Variants in CPAMD8 observed in about 807,000 individuals in gnomAD.
CPAMD8 encodes the protein C3 and PZP like alpha-2-macroglobulin domain containing 8, also known as C3 and PZP-like alpha-2-macroglobulin domain-containing protein 8.
CPAMD8 carries 146 observed loss-of-function variants against 224.7 expected under a neutral mutation model. That is an observed-to-expected ratio of 0.65 (90% CI 0.57 to 0.75). The LOEUF (loss-of-function observed/expected upper bound fraction) is 0.75, where lower values mean the gene tolerates loss of function less well. CPAMD8 is among the 30% of genes least tolerant of loss of function. CPAMD8 has a pLI of 0.00. For synonymous variants in CPAMD8, 966 were observed against 1,044.6 expected (o/e 0.92, Z 1.45); for missense variants, 2,301 against 2,537.5 (o/e 0.91, Z 2.00).
At chr19:16,938,769 C>T (rs541249396) in intron 22 of CPAMD8, among the ~76,000 whole-genome samples, 50 of 152,266 alleles carry the variant, frequency 3.3e-4, no homozygotes, top group African/African-American at 1.2e-3. Context: ...CTCCCATCTC[C>T]CTCTGGGCAG....
chr19:16,918,739 C>T (rs1014199239), intron 27 of CPAMD8, among the ~76,000 whole-genome samples: 1 of 143,812 alleles, frequency 7.0e-6, no homozygotes, highest in Admixed American at 7.3e-5. Context: ...CGTGCCATCA[C>T]ACCCAGACTT....
intron 17 of CPAMD8, 50 bp from the exon 18 acceptor site, chr19:16,971,083 A>T: frequency 6.7e-7 from 1 of 1,500,908 alleles, no homozygotes; most frequent in Non-Finnish European, 9.0e-7. Flanking sequence ...GGATGCTGAC[A>T]GCCCCCAGAA....
At chr19:17,008,164 G>A (rs1449776545) in intron 7 of CPAMD8, among the ~76,000 whole-genome samples, 2 of 152,200 alleles carry the variant, frequency 1.3e-5, no homozygotes, top group African/African-American at 2.4e-5. Flanking sequence ...GAGAGACTCT[G>A]TCTCAAAAAA....
At chr19:16,931,673 C>T (rs1418775370) in intron 23 of CPAMD8, among the ~76,000 whole-genome samples, 1 of 152,168 alleles carries the variant, frequency 6.6e-6, no homozygotes, top group African/African-American at 2.4e-5. Flanking sequence ...GTGTAGAATG[C>T]CCTGGTGCTC....
intron 27 of CPAMD8, among the ~76,000 whole-genome samples, chr19:16,918,563 T>G (rs2053049141): frequency 6.7e-6 from 1 of 149,502 alleles, no homozygotes; most frequent in South Asian, 2.2e-4. Context: ...TCCTCCCACC[T>G]CAGCCTCCCC....
intron 18 of CPAMD8, 22 bp from the exon 19 acceptor site, chr19:16,957,937 C>T (rs776081051): frequency 1.0e-5 from 16 of 1,605,338 alleles, no homozygotes; most frequent in Middle Eastern, 1.7e-4. Flanking sequence ...AAAAAAGAAA[C>T]GATTAAGGTT....
intron 17 of CPAMD8, among the ~76,000 whole-genome samples, chr19:16,974,154 CGG>C (rs1670373468): frequency 6.6e-6 from 1 of 150,974 alleles, no homozygotes; most frequent in Admixed American, 6.6e-5. Flanking sequence ...TTTTTTGAGA[CGG>C]AGTCTCGCTC....
chr19:16,896,102 G>T (rs774604070), intron 41 of CPAMD8, 74 bp downstream of exon 41: 4 of 1,550,524 alleles, frequency 2.6e-6, no homozygotes, highest in African/African-American at 2.7e-5. Context: ...GTCGTCGGGG[G>T]AGGTTGGTAG....
At chr19:16,973,221 T>C (rs753211088) in intron 17 of CPAMD8, among the ~76,000 whole-genome samples, 1 of 152,118 alleles carries the variant, frequency 6.6e-6, no homozygotes, top group Non-Finnish European at 1.5e-5. Flanking sequence ...TTTTAGCAAA[T>C]AGAACTGTGG....
chr19:16,943,149 G>A (rs2122212179), intron 22 of CPAMD8, among the ~76,000 whole-genome samples: 1 of 151,530 alleles, frequency 6.6e-6, no homozygotes, highest in South Asian at 2.1e-4. Flanking sequence ...CTGAGGAGCT[G>A]GGACTACAGG....
At chr19:17,015,485 G>A (rs1158800101) in intron 3 of CPAMD8, among the ~76,000 whole-genome samples, 1 of 152,036 alleles carries the variant, frequency 6.6e-6, no homozygotes. Flanking sequence ...AGCCACACGG[G>A]GTCCGTCCCA....
chr19:16,944,526 C>T (rs1042924838), intron 22 of CPAMD8, among the ~76,000 whole-genome samples: 51 of 152,164 alleles, frequency 3.4e-4, no homozygotes, highest in Non-Finnish European at 5.4e-4. Flanking sequence ...GGCTCGCTGC[C>T]TCCTTCTTGG....
intron 30 of CPAMD8, 124 bp from the exon 31 acceptor site, chr19:16,904,676 T>C: frequency 1.4e-6 from 1 of 715,034 alleles, no homozygotes; most frequent in Non-Finnish European, 2.5e-6. Flanking sequence ...GAGAAGAGTA[T>C]CAGGGGAAGA....
intron 19 of CPAMD8, chr19:16,957,570 A>T (rs2054511515): frequency 8.7e-6 from 3 of 345,190 alleles, no homozygotes; most frequent in East Asian, 1.0e-4. Flanking sequence ...TAATCATTTT[A>T]ATGAGCTCGT....
chr19:16,928,415 A>T (rs1048671503), intron 24 of CPAMD8, among the ~76,000 whole-genome samples, 181 bp from the exon 25 acceptor site: 1 of 152,124 alleles, frequency 6.6e-6, no homozygotes, highest in African/African-American at 2.4e-5. Flanking sequence ...TAAACAGCCA[A>T]CAGAAACATA....
intron 7 of CPAMD8, among the ~76,000 whole-genome samples, chr19:17,004,631 G>A (rs1298834349): frequency 6.6e-6 from 1 of 152,078 alleles, no homozygotes; most frequent in Non-Finnish European, 1.5e-5. Context: ...GCGGTTCCCG[G>A]GACAGCCTTG....
chr19:16,980,327 C>T (rs2055463299), intron 14 of CPAMD8, among the ~76,000 whole-genome samples, 170 bp downstream of exon 14: 1 of 152,126 alleles, frequency 6.6e-6, no homozygotes, highest in African/African-American at 2.4e-5. Flanking sequence ...AGCAGCTGAT[C>T]ACTGTCTTCC....
intron 20 of CPAMD8, among the ~76,000 whole-genome samples, chr19:16,950,452 C>T (rs1184703594): frequency 3.3e-5 from 5 of 151,946 alleles, no homozygotes; most frequent in South Asian, 2.1e-4. Flanking sequence ...TCCTGCATGA[C>T]GGGATCTTCT....
intron 13 of CPAMD8, among the ~76,000 whole-genome samples, chr19:16,985,740 G>A (rs2055698184): frequency 6.6e-6 from 1 of 151,054 alleles, no homozygotes; most frequent in African/African-American, 2.4e-5. Context: ...GTAGGTGGAT[G>A]GATGGGTGGA....
Sources: gnomAD v4.1 joint callset for allele counts (sites outside exome capture counted in the v4.1 genomes callset) on GRCh38, gnomAD v4.1.1 for gene constraint, MANE v1.5 for transcripts, NCBI Gene and HGNC (gene_info 2026-07-23, HGNC 2026-07-21) for gene names.